Variants in TULP2 observed in about 807,000 individuals in gnomAD.
The protein encoded by TULP2 is TUB like protein 2.
A neutral mutation model predicts 60.3 loss-of-function variants in TULP2; 64 were observed. The observed-to-expected ratio is 1.06, with a 90% confidence interval of 0.87 to 1.31. The LOEUF (loss-of-function observed/expected upper bound fraction) is 1.31. TULP2 is among the 50% of genes most tolerant of loss of function. The pLI is 0.00. For missense variants in TULP2, 652 were observed against 667.0 expected (o/e 0.98, Z 0.25); for synonymous variants, 267 against 265.4 (o/e 1.01, Z -0.06).
Position 48,881,200 on chromosome 19 carries a change from T to C in TULP2, c.1448-74A>G. The C allele has an allele frequency of 7.4e-6, 4 of 543,210 alleles. No homozygotes were observed. In the South Asian group the frequency reaches 7.9e-5, roughly 11 times the overall value. 33.6% of individuals were successfully genotyped at this position (543,210 alleles called of 1,614,324 possible). A position where few individuals can be genotyped will look rare whatever the true frequency, so the allele number is the denominator to read the frequency against. ...CAGCTTCGAGAACTGAGACTTTTTTTTTTTTTTTTTCTTTTTTTTTTTTTT... is the reference window on the plus strand; with the variant it reads ...CAGCTTCGAGAACTGAGACTTTTTTCTTTTTTTTTTCTTTTTTTTTTTTTT... On this transcript the variant is annotated intron_variant, in intron 12 of 12. Coordinates refer to ENST00000221399, the MANE Select transcript of TULP2 (RefSeq NM_003323.3).
intron 8 of TULP2, among the ~76,000 whole-genome samples, chr19:48,886,255 G>A (rs59420041): frequency 0.19 from 28,379 of 150,402 alleles, 3,405 homozygotes; most frequent in African/African-American, 0.34. Context: ...GCAGTGAGCC[G>A]AGATCGCGCC....
rs755144131 is a variant in TULP2, at chr19:48,889,571, T to C, written c.575A>G (p.Asn192Ser). Residue 192 changes from asparagine to serine, a missense_variant, in exon 7 of 13, where the codon AAT (asparagine) becomes AGT (serine). Physicochemically the swap from Asn to Ser is conservative, Grantham distance 46. Transcript: ENST00000221399. Reference protein sequence around the residue: ...QDMGDAHKSPNMGPNPGMDGD... With the variant: ...QDMGDAHKSPSMGPNPGMDGD... Reference sequence around the variant, plus strand: ...ATCCATTCCAGGGTTTGGTCCCATATTGGGTGACTTGTGTGCATCTCCCAT... The same window carrying C: ...ATCCATTCCAGGGTTTGGTCCCATACTGGGTGACTTGTGTGCATCTCCCAT... 5 of 1,588,118 alleles carry C rather than the reference T, an allele frequency of 3.1e-6. No homozygotes were observed. In the South Asian group the frequency reaches 5.6e-5, roughly 18 times the overall value.
Position 48,895,394 on chromosome 19 carries a change from G to A in TULP2, c.321C>T (p.Arg107=), listed in dbSNP as rs1448894125. The part of the protein sequence containing the change: ...VSCGGDGRGE[R]GLPTPRTEAV... ...CTTCTGTCCGCGGTGTCGGGAGGCC[G>A]CGCTCGCCCCTGCCGTCTCCACCAC... The change falls in exon 5 of 13, where the codon CGC becomes CGT. Residue 107 remains arginine (R), a synonymous_variant. Coordinates refer to ENST00000221399, the MANE Select transcript of TULP2 (RefSeq NM_003323.3). 1.9e-6 allele frequency: 3 copies of A among 1,613,898 alleles called. No homozygotes were observed. The highest frequency in any genetic ancestry group is 3.3e-5 in the Admixed American group (2 of 59,996).
chr19:48,897,735 G>T lies in TULP2; in HGVS notation c.32+102C>A. The T allele has an allele frequency of 7.8e-7, 1 of 1,278,834 alleles. No homozygotes were observed. Among genetic ancestry groups the T allele is most frequent in the Non-Finnish European group, 1.1e-6 (1 of 877,220 alleles). The allele number at this position is 1,278,834 out of a possible 1,614,324, so 79.2% of individuals were successfully genotyped here. A position where few individuals can be genotyped will look rare whatever the true frequency, so the allele number is the denominator to read the frequency against. On this transcript the variant is annotated intron_variant, in intron 2 of 12. Transcript: ENST00000221399. This position sits in a 1 kb window ranked among gnomAD's most constrained non-coding sequence, Gnocchi z 4.0. ...GTCCCCAGCCCCTTCCTGCAAGGCCGATGGTGCTGAACCTGCAAACATGGT... is the reference window on the plus strand; with the variant it reads ...GTCCCCAGCCCCTTCCTGCAAGGCCTATGGTGCTGAACCTGCAAACATGGT...
chr19:48,889,769 C>A (rs1358856414), intron 6 of TULP2, 138 bp from the exon 7 acceptor site: 2 of 664,132 alleles, frequency 3.0e-6, no homozygotes, highest in Non-Finnish European at 4.6e-6. Context: ...AACCTTACCC[C>A]CAACCCCGTG....
Position 48,884,008 on chromosome 19 carries a change from T to C in TULP2, c.1100A>G (p.Asn367Ser). 2.5e-6 allele frequency: 4 copies of C among 1,614,060 alleles called. No homozygotes were observed. The highest frequency in any genetic ancestry group is 2.5e-6 in the Non-Finnish European group (3 of 1,180,032). The change falls in exon 10 of 13, where the codon AAT (asparagine) becomes AGT (serine). Residue 367 changes from asparagine (N) to serine (S), a missense_variant. Coordinates refer to ENST00000221399, the MANE Select transcript of TULP2 (RefSeq NM_003323.3). Reference protein sequence around the residue: ...VFSTKFTIFDNGVNPDREHLT... With the variant: ...VFSTKFTIFDSGVNPDREHLT... ...ATGCTCCCGGTCAGGATTCACCCCA[T>C]TGTCAAAGATGGTGAACTTGGTGCT...
chr19:48,897,947 C>CTTTATTTATTTA lies in TULP2; in HGVS notation c.-1-79_-1-78insTAAATAAATAAA, dbSNP rs199995175. 741 of 797,668 alleles carry CTTTATTTATTTA rather than the reference C, an allele frequency of 9.3e-4. 4 individuals carry two copies. Among genetic ancestry groups the CTTTATTTATTTA allele is most frequent in the Non-Finnish European group, 6.6e-4 (360 of 541,448 alleles). 49.4% of individuals were successfully genotyped at this position (797,668 alleles called of 1,614,324 possible). On this transcript the variant is annotated intron_variant, in intron 1 of 12. Transcript: ENST00000221399. This position sits in a 1 kb window ranked among gnomAD's most constrained non-coding sequence, Gnocchi z 4.0. Reference sequence around the variant, plus strand: ...CTGCCCACCAGCACCTAATCTTTAGCCTTATTTATTTATTTATTTATTTAT... The same window carrying CTTTATTTATTTA: ...CTGCCCACCAGCACCTAATCTTTAGCTTTATTTATTTACTTATTTATTTATTTATTTATTTAT...
At chr19:48,896,648 C>A (rs2037285397) in intron 3 of TULP2, 92 bp from the exon 4 acceptor site, 1 of 1,431,426 alleles carries the variant, frequency 7.0e-7, no homozygotes, top group Non-Finnish European at 9.2e-7. Flanking sequence ...CGCATCGGCG[C>A]GAGAGTTCGT....
At chr19:48,881,467 C>G (rs1280311908) in intron 12 of TULP2, among the ~76,000 whole-genome samples, 1 of 150,614 alleles carries the variant, frequency 6.6e-6, no homozygotes, top group Non-Finnish European at 1.5e-5. Flanking sequence ...CTGCAAGCTC[C>G]GCCTCCCGGG....
chr19:48,890,756 C>G (rs999077340), intron 6 of TULP2, among the ~76,000 whole-genome samples: 5 of 152,132 alleles, frequency 3.3e-5, no homozygotes, highest in Admixed American at 3.3e-4. Context: ...TCCTCCTCCT[C>G]CAGGTGCACG....
chr19:48,895,168 G>A lies in TULP2; in HGVS notation c.350-6C>T, dbSNP rs765347896. On this transcript the variant is annotated splice_polypyrimidine_tract_variant and splice_region_variant and intron_variant, in intron 5 of 12. Transcript: ENST00000221399. ...GAGACCGAGATTCCTGAACACTGAG[G>A]AAGGAAGGAGGGGAGAGTTGGATTT... 4.3e-6 allele frequency: 7 copies of A among 1,612,490 alleles called. No individual in the cohort carries two copies. Among genetic ancestry groups the A allele is most frequent in the East Asian group, 2.2e-5 (1 of 44,878 alleles).
At chr19:48,886,042 C>T (rs941197256) in intron 8 of TULP2, among the ~76,000 whole-genome samples, 1 of 152,084 alleles carries the variant, frequency 6.6e-6, no homozygotes, top group African/African-American at 2.4e-5. Context: ...CACAGTGGCT[C>T]ATGCCTGTAA....
chr19:48,882,516 C>T (rs2037143908), intron 11 of TULP2, among the ~76,000 whole-genome samples: 1 of 152,144 alleles, frequency 6.6e-6, no homozygotes, highest in Non-Finnish European at 1.5e-5. Context: ...AGGGTACACT[C>T]ACCAGGAGTT....
intron 7 of TULP2, among the ~76,000 whole-genome samples, chr19:48,888,852 C>T (rs1295009772): frequency 6.6e-6 from 1 of 152,130 alleles, no homozygotes; most frequent in Non-Finnish European, 1.5e-5. Flanking sequence ...GAACTCCTGA[C>T]CTCAGGTGAT....
chr19:48,887,343 T>TTTTTTTTTTTTTTTTTTTTTTTTTTG (rs1568571174), intron 8 of TULP2, among the ~76,000 whole-genome samples: 1 of 88,762 alleles, frequency 1.1e-5, no homozygotes. Context: ...TTTTTTTTTT[T>TTTTTTTTTTTTTTTTTTTTTTTTTTG]ATGCAGAGTC....
chr19:48,896,180 T>G (rs2037278927), intron 4 of TULP2, among the ~76,000 whole-genome samples: 1 of 151,804 alleles, frequency 6.6e-6, no homozygotes, highest in Non-Finnish European at 1.5e-5. Flanking sequence ...AGTTGTACCA[T>G]GCCCCGCCCC....
intron 8 of TULP2, among the ~76,000 whole-genome samples, chr19:48,887,582 G>C (rs1223996825): frequency 6.6e-6 from 1 of 151,430 alleles, no homozygotes. Flanking sequence ...TTTTGAGATG[G>C]AGTCTTCCTC....
At chr19:48,893,187 G>A (rs1341368146) in intron 6 of TULP2, among the ~76,000 whole-genome samples, 1 of 151,986 alleles carries the variant, frequency 6.6e-6, no homozygotes, top group Non-Finnish European at 1.5e-5. Flanking sequence ...TGCCAACATG[G>A]TGAAACCCTG....
intron 6 of TULP2, among the ~76,000 whole-genome samples, chr19:48,894,192 C>T (rs2037257976): frequency 6.6e-6 from 1 of 152,026 alleles, no homozygotes; most frequent in African/African-American, 2.4e-5. Flanking sequence ...ACCCCCTTGC[C>T]TGGCTAATTT....
Sources: allele counts gnomAD v4.1 joint callset (sites outside exome capture counted in the v4.1 genomes callset), GRCh38; gene constraint gnomAD v4.1.1; non-coding constraint Gnocchi (gnomAD v3.1); transcripts MANE v1.5; gene names NCBI Gene and HGNC (gene_info 2026-07-23, HGNC 2026-07-21).